Variants in BSN observed in about 807,000 individuals in gnomAD.
The protein encoded by BSN is protein bassoon.
A neutral mutation model predicts 264.8 loss-of-function variants in BSN; 57 were observed. That is an observed-to-expected ratio of 0.22 (90% confidence interval 0.17 to 0.27). The LOEUF (loss-of-function observed/expected upper bound fraction) is 0.27. BSN is among the 10% of genes least tolerant of loss of function. The probability of loss-of-function intolerance (pLI) is 1.00; values close to 1 mark genes in which losing one functional copy is unlikely to be tolerated. For missense variants in BSN, 4,615 were observed against 5,232.5 expected (o/e 0.88, Z 3.64); for synonymous variants, 2,059 against 2,137.3 (o/e 0.96, Z 1.01).
chr3:49,639,493 C>T (rs747209320), intron 2 of BSN, among the ~76,000 whole-genome samples: 6 of 152,154 alleles, frequency 3.9e-5, no homozygotes, highest in Non-Finnish European at 5.9e-5. Context: ...CCACGGTGCA[C>T]GGCCTGCCTT....
At chr3:49,597,186 C>T (rs1279392186) in intron 1 of BSN, among the ~76,000 whole-genome samples, 3 of 152,028 alleles carry the variant, frequency 2.0e-5, no homozygotes, top group Admixed American at 2.0e-4. Context: ...CTTTGAGGCC[C>T]TGTTCATTTT....
intron 1 of BSN, among the ~76,000 whole-genome samples, chr3:49,579,673 G>A (rs1045704074): frequency 2.0e-5 from 3 of 150,534 alleles, no homozygotes; most frequent in Admixed American, 2.0e-4. Context: ...CACCAGCCTC[G>A]GCCTCCCAAG....
chr3:49,597,489 C>G (rs2052033188), intron 1 of BSN, among the ~76,000 whole-genome samples: 1 of 152,076 alleles, frequency 6.6e-6, no homozygotes, highest in Admixed American at 6.6e-5. Flanking sequence ...CCCACCACAC[C>G]CAGCACATTT....
intron 1 of BSN, among the ~76,000 whole-genome samples, chr3:49,593,185 A>G (rs1009121296): frequency 6.6e-6 from 1 of 152,200 alleles, no homozygotes; most frequent in South Asian, 2.1e-4. Context: ...TTTTTCACTC[A>G]GTGTAATTCC....
chr3:49,652,240 G>A lies in BSN; in HGVS notation c.2684G>A (p.Arg895Lys). The stretch of plus-strand genomic sequence containing the variant: ...CAAGAACCAGCAGCACTGCCCAAGA[G>A]GCGCCTGCCCCACAATGCCACCACG... ...PSQEPAALPK[R>K]RLPHNATTGY... Residue 895 changes from arginine to lysine, a missense_variant, in exon 5 of 12, where the codon AGG becomes AAG. Arg to Lys is a conservative substitution (Grantham distance 26, BLOSUM62 2). This residue lies in a region of BSN where 1,197 missense variants were observed against 1,348.0 expected (regional missense o/e 0.89). Coordinates refer to ENST00000296452, the MANE Select transcript of BSN (RefSeq NM_003458.4). The A allele has an allele frequency of 6.2e-7, 1 of 1,607,296 alleles. No homozygotes were observed. The highest frequency in any genetic ancestry group is 8.5e-7 in the Non-Finnish European group (1 of 1,176,160).
chr3:49,589,567 C>T (rs375724546), intron 1 of BSN, among the ~76,000 whole-genome samples: 4 of 146,338 alleles, frequency 2.7e-5, no homozygotes, highest in Non-Finnish European at 6.0e-5. Flanking sequence ...AGTGCAGTTG[C>T]GCAATCTCAG....
intron 1 of BSN, among the ~76,000 whole-genome samples, chr3:49,597,053 T>G (rs1165233249): frequency 6.6e-6 from 1 of 152,220 alleles, no homozygotes; most frequent in Non-Finnish European, 1.5e-5. Flanking sequence ...ATGTTTAGAT[T>G]AATGTTTTCA....
chr3:49,564,263 T>C (rs1358381473), intron 1 of BSN, among the ~76,000 whole-genome samples: 1 of 152,180 alleles, frequency 6.6e-6, no homozygotes, highest in Non-Finnish European at 1.5e-5. Flanking sequence ...TACACCTTTA[T>C]GAGAGCTTTT....
intron 1 of BSN, among the ~76,000 whole-genome samples, chr3:49,582,759 T>G (rs1253766770): frequency 6.6e-6 from 1 of 152,152 alleles, no homozygotes; most frequent in Admixed American, 6.5e-5. Context: ...TTTTCACTAT[T>G]GAGTATTATG....
At chr3:49,615,509 C>T (rs1012184975) in intron 1 of BSN, among the ~76,000 whole-genome samples, 8 of 152,098 alleles carry the variant, frequency 5.3e-5, no homozygotes, top group African/African-American at 1.9e-4. Flanking sequence ...GAGAAGATGT[C>T]GGCCTCAAGG....
intron 2 of BSN, among the ~76,000 whole-genome samples, chr3:49,628,882 AG>A (rs537865263): frequency 6.6e-6 from 1 of 152,066 alleles, no homozygotes; most frequent in Non-Finnish European, 1.5e-5. Context: ...CAGAACAAAT[AG>A]GGCAGTCCCA....
rs760972985 is a variant in BSN, at chr3:49,653,065, G to T, written c.3509G>T (p.Gly1170Val). ...TACTCACCAACCGAGACACCCTCCGGCAGCTCCACCACTCCCAGTTCCGGA... is the reference window on the plus strand; with the variant it reads ...TACTCACCAACCGAGACACCCTCCGTCAGCTCCACCACTCCCAGTTCCGGA... ...SLYSPTETPSGSSTTPSSGRP... is the reference protein window; with the variant it reads ...SLYSPTETPSVSSTTPSSGRP... The change falls in exon 5 of 12, where the codon GGC becomes GTC. Residue 1170 changes from glycine (G) to valine (V), a missense_variant. Gly to Val is a moderately radical substitution (Grantham distance 109). Around this residue, in one of 3 missense-constraint regions of BSN, gnomAD observed 3,415 missense variants for 3,866.4 expected, o/e 0.88. Coordinates refer to ENST00000296452, the MANE Select transcript of BSN (RefSeq NM_003458.4). The surrounding 1 kb of genome is among the most constrained non-coding windows in gnomAD (Gnocchi z 6.3). 2 of 1,613,498 alleles carry T rather than the reference G, an allele frequency of 1.2e-6. No individual in the cohort carries two copies. The highest frequency in any genetic ancestry group is 1.7e-5 in the Admixed American group (1 of 60,024).
At chr3:49,579,273 G>GC (rs1161912629) in intron 1 of BSN, among the ~76,000 whole-genome samples, 3 of 152,028 alleles carry the variant, frequency 2.0e-5, no homozygotes, top group Non-Finnish European at 2.9e-5. Flanking sequence ...ACAGGCATGA[G>GC]CCACTGCACT....
chr3:49,628,724 G>A (rs1463828712), intron 2 of BSN, among the ~76,000 whole-genome samples: 1 of 152,226 alleles, frequency 6.6e-6, no homozygotes, highest in Non-Finnish European at 1.5e-5. Context: ...AGGAGACTGA[G>A]TCTTAGGAAG....
At position 49,642,941 on chromosome 3, in the gene BSN, C is replaced by A. The variant is rs1483288799; in HGVS notation, c.1307C>A (p.Thr436Asn). The A allele has an allele frequency of 6.2e-7, 1 of 1,614,114 alleles. No homozygotes were observed. The highest frequency in any genetic ancestry group is 8.5e-7 in the Non-Finnish European group (1 of 1,180,032). The change falls in exon 3 of 12, where the codon ACC becomes AAC. Residue 436 changes from threonine to asparagine, a missense_variant. Thr to Asn is a moderately conservative substitution (Grantham distance 65). This residue lies in a region of BSN where 1,197 missense variants were observed against 1,348.0 expected (regional missense o/e 0.89). Coordinates refer to ENST00000296452, the MANE Select transcript of BSN (RefSeq NM_003458.4). This position sits in a 1 kb window ranked among gnomAD's most constrained non-coding sequence, Gnocchi z 7.0. The part of the protein sequence containing the change: ...PGALPKTGGT[T>N]SPKHGRAEHQ... The stretch of plus-strand genomic sequence containing the variant: ...GCCCTGCCGAAAACTGGGGGAACAA[C>A]CAGTCCAAAGCATGGCAGAGCAGAA...
At chr3:49,562,062 C>T (rs973927954) in intron 1 of BSN, among the ~76,000 whole-genome samples, 2 of 152,142 alleles carry the variant, frequency 1.3e-5, no homozygotes, top group East Asian at 1.9e-4. Context: ...TCTGCCTCAG[C>T]CTCCCAAAGT....
At chr3:49,644,449 C>CT (rs1212972999) in intron 3 of BSN, among the ~76,000 whole-genome samples, 1 of 152,192 alleles carries the variant, frequency 6.6e-6, no homozygotes, top group African/African-American at 2.4e-5. Context: ...AAAGGCCACA[C>CT]TTTCCAATAT....
chr3:49,608,827 C>CG (rs773725998), intron 1 of BSN, among the ~76,000 whole-genome samples: 2 of 139,766 alleles, frequency 1.4e-5, no homozygotes, highest in Non-Finnish European at 3.1e-5. Flanking sequence ...GACTCCGTCT[C>CG]GGGAAAAAAA....
intron 2 of BSN, among the ~76,000 whole-genome samples, chr3:49,632,172 A>C (rs967613911): frequency 2.6e-5 from 4 of 152,224 alleles, no homozygotes; most frequent in African/African-American, 9.6e-5. Flanking sequence ...TACAAAAATT[A>C]ACTCAAAATA....
Sources: gnomAD v4.1 joint callset for allele counts (sites outside exome capture counted in the v4.1 genomes callset) on GRCh38, gnomAD v4.1.1 for gene constraint, gnomAD v4.1.1 regional missense constraint, Gnocchi (gnomAD v3.1) non-coding constraint, MANE v1.5 for transcripts, NCBI Gene and HGNC (gene_info 2026-07-23, HGNC 2026-07-21) for gene names.